Variants in ARAP2 observed in about 807,000 individuals in gnomAD.
ARAP2 encodes the protein arf-GAP with Rho-GAP domain, ANK repeat and PH domain-containing protein 2.
In ARAP2, 148 loss-of-function variants were observed where a neutral mutation model predicts 194.5. That is an observed-to-expected ratio of 0.76 (90% CI 0.67 to 0.87). The LOEUF (loss-of-function observed/expected upper bound fraction) is 0.87. ARAP2 is among the 40% of genes least tolerant of loss of function. The pLI is 0.00. For synonymous variants in ARAP2, 695 were observed against 683.5 expected (o/e 1.02, Z -0.26); for missense variants, 2,128 against 1,989.7 (o/e 1.07, Z -1.32).
intron 32 of ARAP2, among the ~76,000 whole-genome samples, chr4:36,071,871 C>T (rs1424494443): frequency 6.6e-6 from 1 of 150,786 alleles, no homozygotes; most frequent in African/African-American, 2.4e-5. Context: ...CCAACACAGT[C>T]CCCAGAGTGT....
At chr4:36,210,249 G>A in intron 6 of ARAP2, 141 bp downstream of exon 6, 1 of 702,138 alleles carries the variant, frequency 1.4e-6, no homozygotes, top group Non-Finnish European at 2.3e-6. Context: ...AAAGTGTGCT[G>A]AAAGTCCCTA....
At chr4:36,240,960 T>C (rs930708201) in intron 1 of ARAP2, among the ~76,000 whole-genome samples, 1 of 152,226 alleles carries the variant, frequency 6.6e-6, no homozygotes, top group African/African-American at 2.4e-5. Context: ...ATCGCAATAG[T>C]TAAATGCTTG....
chr4:36,231,636 T>C (rs766737810), intron 1 of ARAP2, among the ~76,000 whole-genome samples: 1 of 152,212 alleles, frequency 6.6e-6, no homozygotes, highest in African/African-American at 2.4e-5. Context: ...AAAGTCATAG[T>C]CTTGCTTACC....
intron 8 of ARAP2, among the ~76,000 whole-genome samples, chr4:36,183,693 T>C (rs889703468): frequency 6.6e-6 from 1 of 152,156 alleles, no homozygotes; most frequent in Non-Finnish European, 1.5e-5. Flanking sequence ...ATTTCGTACT[T>C]TGGGAAGTGT....
At chr4:36,147,799 T>C in intron 17 of ARAP2, 53 bp from the exon 18 acceptor site, 1 of 1,410,290 alleles carries the variant, frequency 7.1e-7, no homozygotes, top group Non-Finnish European at 9.6e-7. Flanking sequence ...AGGAAATCCC[T>C]TCCCTATCTA....
chr4:36,120,345 T>G (rs1722383064), intron 23 of ARAP2, among the ~76,000 whole-genome samples: 2 of 151,648 alleles, frequency 1.3e-5, no homozygotes, highest in Non-Finnish European at 3.0e-5. Context: ...TGTGATATTT[T>G]GTTTTATTAA....
chr4:36,171,494 G>T (rs961414363), intron 9 of ARAP2, among the ~76,000 whole-genome samples: 1 of 151,898 alleles, frequency 6.6e-6, no homozygotes, highest in South Asian at 2.1e-4. Flanking sequence ...CACAGGAAGG[G>T]GAACATCACA....
chr4:36,042,848 T>TC (rs3055212), intron 5 of ARAP2, among the ~76,000 whole-genome samples: 13 of 117,792 alleles, frequency 1.1e-4, no homozygotes, highest in Non-Finnish European at 1.2e-4. Context: ...TTTTTCTTCT[T>TC]TTTTTTTTTT....
At chr4:36,216,920 T>C (rs1486432288) in intron 2 of ARAP2, among the ~76,000 whole-genome samples, 2 of 152,196 alleles carry the variant, frequency 1.3e-5, no homozygotes, top group Non-Finnish European at 2.9e-5. Flanking sequence ...TAAACCTACA[T>C]GGTACAGCCT....
chr4:36,039,915 C>T (rs1355701483), intron 5 of ARAP2, among the ~76,000 whole-genome samples: 2 of 151,480 alleles, frequency 1.3e-5, no homozygotes, highest in Non-Finnish European at 2.9e-5. Context: ...AGATGAAGGC[C>T]CAGATAAAAA....
At chr4:36,122,453 C>A (rs764744211) in intron 22 of ARAP2, among the ~76,000 whole-genome samples, 1 of 151,736 alleles carries the variant, frequency 6.6e-6, no homozygotes, top group Non-Finnish European at 1.5e-5. Context: ...AATGAGATCA[C>A]GTCCTTTGCA....
At chr4:36,098,391 G>A (rs1283736959) in intron 27 of ARAP2, among the ~76,000 whole-genome samples, 1 of 151,834 alleles carries the variant, frequency 6.6e-6, no homozygotes, top group Non-Finnish European at 1.5e-5. Context: ...CTAACTCCAT[G>A]TCCTACCTTT....
chr4:36,051,371 G>A (rs980914902), intron 3 of ARAP2, among the ~76,000 whole-genome samples: 6 of 152,128 alleles, frequency 3.9e-5, no homozygotes, highest in Non-Finnish European at 7.4e-5. Flanking sequence ...CAGCTACTCG[G>A]GAGGCTGAGG....
intron 5 of ARAP2, among the ~76,000 whole-genome samples, chr4:36,043,536 G>A (rs1721224741): frequency 1.3e-5 from 2 of 152,042 alleles, no homozygotes; most frequent in Non-Finnish European, 2.9e-5. Flanking sequence ...TAACAAGAAT[G>A]CACATAAATT....
In ARAP2 at chr4:36,164,916, G is replaced by A; in HGVS notation, c.2171C>T (p.Ala724Val). The change falls in exon 11 of 33, where the codon GCA becomes GTA. Residue 724 changes from alanine (A) to valine (V), a missense_variant and splice_region_variant. Transcript: ENST00000303965. ...NLCVVICKKC[A>V]GQHRSLGPKD... The stretch of plus-strand genomic sequence containing the variant: ...GAGCATAACTTGTCACTAATTACCT[G>A]CACACTTCTTACAGATGACAACACA... 6.2e-7 allele frequency: 1 copy of A among 1,613,798 alleles called. No homozygotes were observed. The highest frequency in any genetic ancestry group is 8.5e-7 in the Non-Finnish European group (1 of 1,179,764).
At chr4:36,216,576 GA>G (rs1306588377) in intron 2 of ARAP2, among the ~76,000 whole-genome samples, 1 of 151,930 alleles carries the variant, frequency 6.6e-6, no homozygotes, top group African/African-American at 2.4e-5. Context: ...CAAAAATATT[GA>G]AAACAGATGT....
chr4:36,134,411 A>T (rs1726167095), intron 19 of ARAP2, among the ~76,000 whole-genome samples: 1 of 151,522 alleles, frequency 6.6e-6, no homozygotes, highest in African/African-American at 2.4e-5. Context: ...AATTCTGTTG[A>T]CTACAGTTTC....
chr4:36,100,680 C>A (rs1475575702), intron 27 of ARAP2, among the ~76,000 whole-genome samples: 1 of 152,020 alleles, frequency 6.6e-6, no homozygotes, highest in South Asian at 2.1e-4. Flanking sequence ...TCAAAATGCA[C>A]TTTGGTGAAA....
chr4:36,055,990 G>A (rs1473428942), intron 2 of ARAP2, among the ~76,000 whole-genome samples: 1 of 152,178 alleles, frequency 6.6e-6, no homozygotes, highest in Non-Finnish European at 1.5e-5. Flanking sequence ...CAAAAGCTAA[G>A]TTCATCTAAC....
Sources: gnomAD v4.1 joint callset for allele counts (sites outside exome capture counted in the v4.1 genomes callset) on GRCh38, gnomAD v4.1.1 for gene constraint, MANE v1.5 for transcripts, NCBI Gene and HGNC (gene_info 2026-07-23, HGNC 2026-07-21) for gene names.